TG: variants seen among roughly 807,000 people sequenced by gnomAD.
TG encodes thyroid hormones.
Under a neutral mutation model 324.7 loss-of-function variants are expected in TG, and 270 were observed. The ratio of observed to expected loss-of-function variants is 0.83; its 90% CI spans 0.75 to 0.92. The LOEUF is 0.92. Ranked by LOEUF, TG falls within the 40% of genes least tolerant of loss-of-function variation. TG has a pLI of 0.00. For missense variants in TG, 3,591 were observed against 3,456.4 expected, an observed-to-expected ratio of 1.04 and a Z score of -0.98; for synonymous variants, 1,401 against 1,327.0, an observed-to-expected ratio of 1.06 and a Z score of -1.21.
intron 35 of TG, among the ~76,000 whole-genome samples, chr8:132,990,684 C>T (rs1166546777): frequency 6.6e-6 from 1 of 151,748 alleles, no homozygotes; most frequent in Admixed American, 6.6e-5. Context: ...TAAATGCTTT[C>T]TATATTTTAA....
chr8:132,920,204 G>A (rs1482221760), intron 21 of TG, among the ~76,000 whole-genome samples: 1 of 152,134 alleles, frequency 6.6e-6, no homozygotes, highest in Non-Finnish European at 1.5e-5. Context: ...GATTTCACTC[G>A]ACCTACTTAC....
At chr8:133,080,767 T>C (rs1845622941) in intron 41 of TG, among the ~76,000 whole-genome samples, 7 of 152,174 alleles carry the variant, frequency 4.6e-5, no homozygotes, top group Admixed American at 4.6e-4. Context: ...CCCTCACCTC[T>C]TCCTCATGCA....
Position 132,888,364 on chromosome 8 carries a change from A to C in TG, c.2557A>C (p.Lys853Gln). ...QDVPLAALEG[K>Q]RPQPRENILL... Reference sequence around the variant, plus strand: ...TGTCCCACTAGCAGCACTGGAAGGGAAACGGCCCCAGCCCAGGGAGAATAT... The same window carrying C: ...TGTCCCACTAGCAGCACTGGAAGGGCAACGGCCCCAGCCCAGGGAGAATAT... Residue 853 changes from lysine to glutamine, a missense_variant, in exon 10 of 48, where the codon AAA becomes CAA. Physicochemically the swap from Lys to Gln is moderately conservative, Grantham distance 53 (BLOSUM62 1). Coordinates refer to ENST00000220616, the MANE Select transcript of TG (RefSeq NM_003235.5). 6.2e-7 allele frequency: 1 copy of C among 1,614,200 alleles called. No homozygotes were observed. The highest frequency in any genetic ancestry group is 8.5e-7 in the Non-Finnish European group (1 of 1,180,036).
intron 35 of TG, among the ~76,000 whole-genome samples, chr8:133,006,957 G>A (rs541429170): frequency 3.3e-5 from 5 of 152,230 alleles, no homozygotes; most frequent in South Asian, 2.1e-4. Context: ...AACCTGGCAC[G>A]TTTTAAGGTT....
intron 21 of TG, among the ~76,000 whole-genome samples, chr8:132,921,330 A>G (rs550259836): frequency 6.6e-6 from 1 of 152,332 alleles, no homozygotes; most frequent in South Asian, 2.1e-4. Flanking sequence ...TTGCATTTTC[A>G]TGCAGTAGTA....
At chr8:133,004,268 T>C (rs1833827252) in intron 35 of TG, among the ~76,000 whole-genome samples, 1 of 152,126 alleles carries the variant, frequency 6.6e-6, no homozygotes, top group Non-Finnish European at 1.5e-5. Flanking sequence ...TGTGGGGCTG[T>C]ATAAGGGCTG....
intron 41 of TG, among the ~76,000 whole-genome samples, chr8:133,093,146 T>TTCTTTTCTTTTCTTTTC (rs879559542): frequency 1.2e-3 from 161 of 139,082 alleles, no homozygotes; most frequent in African/African-American, 4.1e-3. Flanking sequence ...TTTCTTTTTT[T>TTCTTTTCTTTTCTTTTC]TTTTTAATTT....
rs550865176 is a variant in TG at position 133,130,357 on chromosome 8, G to A, written c.7863-1455G>A. Among the ~76,000 whole-genome samples, 14 of 152,280 alleles carry A rather than the reference G, an allele frequency of 9.2e-5. No homozygotes were observed. The South Asian group carries it at 2.1e-3, about 23-fold the overall frequency. On this transcript the variant is annotated intron_variant, in intron 45 of 47. Transcript: ENST00000220616. ...AACCTGTGACTGTGTTACCTTCCATGGCAAAAGAACTTTGCAGGTGTGACT... is the reference window on the plus strand; with the variant it reads ...AACCTGTGACTGTGTTACCTTCCATAGCAAAAGAACTTTGCAGGTGTGACT...
intron 26 of TG, 149 bp downstream of exon 26, chr8:132,941,691 C>A: frequency 1.2e-6 from 1 of 835,372 alleles, no homozygotes; most frequent in Non-Finnish European, 1.9e-6. Flanking sequence ...ACACAATACA[C>A]ACATGATACT....
chr8:132,903,390 A>C (rs1818207856), intron 16 of TG, among the ~76,000 whole-genome samples: 1 of 152,078 alleles, frequency 6.6e-6, no homozygotes, highest in African/African-American at 2.4e-5. Context: ...CTGGCAGGCC[A>C]CTCCTGCCCC....
chr8:133,131,411 C>T lies in TG; in HGVS notation c.7863-401C>T, dbSNP rs376290568. Among the ~76,000 whole-genome samples, 13 of 152,324 alleles carry T rather than the reference C, an allele frequency of 8.5e-5. No homozygotes were observed. In the East Asian group the frequency reaches 1.7e-3, roughly 20 times the overall value. On this transcript the variant is annotated intron_variant, in intron 45 of 47. Coordinates refer to ENST00000220616, the MANE Select transcript of TG (RefSeq NM_003235.5). ...AGTTGTATATGAACACAGGCTAGTG[C>T]GGAGAATGGGCTCAAATACAAGCTA...
At chr8:132,925,784 A>G (rs1246364135) in intron 22 of TG, among the ~76,000 whole-genome samples, 1 of 152,104 alleles carries the variant, frequency 6.6e-6, no homozygotes, top group Admixed American at 6.5e-5. Flanking sequence ...CTCTCTTTGC[A>G]TCTCTGTCAA....
At chr8:133,003,475 A>G (rs559236793) in intron 35 of TG, among the ~76,000 whole-genome samples, 49 of 151,342 alleles carry the variant, frequency 3.2e-4, no homozygotes, top group African/African-American at 1.1e-3. Context: ...GAAATGTGCC[A>G]TATGTTAACT....
intron 46 of TG, 113 bp from the exon 47 acceptor site, chr8:133,133,357 C>CT: frequency 9.0e-7 from 1 of 1,117,246 alleles, no homozygotes; most frequent in Non-Finnish European, 1.4e-6. Flanking sequence ...GCCTTGACAC[C>CT]TACAGATACA....
intron 44 of TG, 129 bp downstream of exon 44, chr8:133,113,732 A>G (rs1247943575): frequency 9.1e-7 from 1 of 1,094,208 alleles, no homozygotes; most frequent in Non-Finnish European, 1.3e-6. Flanking sequence ...TGCATCATTC[A>G]TTCAGCCTAC....
At chr8:133,051,041 A>C in intron 41 of TG, 1 of 635,578 alleles carries the variant, frequency 1.6e-6, no homozygotes, top group Non-Finnish European at 2.8e-6. Context: ...TCTTGTTTTG[A>C]ACCACCAATT....
intron 21 of TG, among the ~76,000 whole-genome samples, chr8:132,920,482 T>A (rs2002751929): frequency 6.6e-6 from 1 of 152,236 alleles, no homozygotes; most frequent in Admixed American, 6.5e-5. Context: ...TTTTATAGGC[T>A]GAGAGTCTGG....
intron 34 of TG, among the ~76,000 whole-genome samples, chr8:132,977,690 C>T (rs1255961275): frequency 1.3e-5 from 2 of 152,088 alleles, no homozygotes; most frequent in Admixed American, 6.5e-5. Context: ...GAGACCCATT[C>T]GCTATCACGA....
chr8:133,060,476 G>A (rs1842212440), intron 41 of TG: 2 of 1,005,242 alleles, frequency 2.0e-6, no homozygotes, highest in African/African-American at 1.7e-5. Flanking sequence ...CCTTGCTGAG[G>A]ATGGTAAGCA....
Sources: allele counts gnomAD v4.1 joint callset (sites outside exome capture counted in the v4.1 genomes callset), GRCh38; gene constraint gnomAD v4.1.1; transcripts MANE v1.5; gene names NCBI Gene and HGNC (gene_info 2026-07-23, HGNC 2026-07-21).